RAP1A: variants seen among roughly 807,000 people sequenced by gnomAD.
RAP1A encodes the protein RAP1A, member of RAS oncogene family, also known as ras-related protein Rap-1A.
Under a neutral mutation model 26.4 loss-of-function variants are expected in RAP1A, and 6 were observed. That is an observed-to-expected ratio of 0.23 (90% CI 0.12 to 0.45). RAP1A has a LOEUF of 0.45. Ranked by LOEUF, RAP1A falls within the 20% of genes least tolerant of loss-of-function variation. The probability of loss-of-function intolerance (pLI) is 0.99; values close to 1 mark genes in which losing one functional copy is unlikely to be tolerated. For synonymous variants in RAP1A, 73 were observed against 79.4 expected (o/e 0.92, Z 0.43); for missense variants, 121 against 217.2 (o/e 0.56, Z 2.78).
At chr1:111,618,393 A>C (rs528093686), upstream of RAP1A, among the ~76,000 whole-genome samples, 6 of 152,262 alleles carry the variant, frequency 3.9e-5, no homozygotes, top group South Asian at 4.2e-4. Context: ...TTGTTTTCCA[A>C]CGCTTCACCT....
intron 1 of RAP1A, among the ~76,000 whole-genome samples, chr1:111,596,151 A>C (rs1233041547): frequency 6.6e-6 from 1 of 152,238 alleles, no homozygotes; most frequent in Non-Finnish European, 1.5e-5. Context: ...TATTGATTAA[A>C]GGCAGGGCTT....
At chr1:111,689,257 T>C (rs80252799) in intron 1 of RAP1A, among the ~76,000 whole-genome samples, 1 of 149,670 alleles carries the variant, frequency 6.7e-6, no homozygotes, top group Admixed American at 6.7e-5. Flanking sequence ...AGTTCTAGTC[T>C]TTTTTTTTTC....
At chr1:111,679,733 C>T (rs141270118) in intron 1 of RAP1A, among the ~76,000 whole-genome samples, 2 of 152,222 alleles carry the variant, frequency 1.3e-5, no homozygotes, top group Non-Finnish European at 2.9e-5. Context: ...GGGCGTCTGC[C>T]ATTACTGAGG....
At chr1:111,562,970 AGATT>A (rs2101049725) in intron 1 of RAP1A, among the ~76,000 whole-genome samples, 1 of 152,362 alleles carries the variant, frequency 6.6e-6, no homozygotes, top group East Asian at 1.9e-4. Flanking sequence ...AACTTTAGAT[AGATT>A]ATCTTTTGAA....
intron 1 of RAP1A, among the ~76,000 whole-genome samples, chr1:111,657,613 C>T (rs905249766): frequency 6.6e-6 from 1 of 152,098 alleles, no homozygotes; most frequent in African/African-American, 2.4e-5. Flanking sequence ...AGTCTTTGAT[C>T]CATTTTGAGT....
intron 1 of RAP1A, among the ~76,000 whole-genome samples, chr1:111,633,419 T>C (rs1053117633): frequency 6.6e-6 from 1 of 152,240 alleles, no homozygotes; most frequent in Non-Finnish European, 1.5e-5. Context: ...AGTGTGATTA[T>C]TTAAGGATAT....
At chr1:111,589,827 C>G (rs968074972) in intron 1 of RAP1A, among the ~76,000 whole-genome samples, 2 of 152,134 alleles carry the variant, frequency 1.3e-5, no homozygotes, top group Non-Finnish European at 1.5e-5. Context: ...TAGAAGTTCA[C>G]TTGAACTAGA....
chr1:111,714,047 C>G lies in RAP1A; in HGVS notation c.*1646C>G, dbSNP rs930389827. ...AGGCATGTGGTCAGCCTGTCACTTA[C>G]TAAACTGAAATTTTAAAATCAGGTT... On this transcript the variant is annotated 3_prime_UTR_variant, in exon 8 of 8. Coordinates refer to ENST00000369709, the MANE Select transcript of RAP1A (RefSeq NM_002884.4). 6.6e-6 allele frequency: 1 copy of G among 152,182 alleles called. No homozygotes were observed. The highest frequency in any genetic ancestry group is 2.1e-4 in the South Asian group (1 of 4,832). 9.4% of individuals were successfully genotyped at this position (152,182 alleles called of 1,614,324 possible).
At chr1:111,549,736 A>G (rs953225014) in intron 1 of RAP1A, among the ~76,000 whole-genome samples, 3 of 151,968 alleles carry the variant, frequency 2.0e-5, no homozygotes, top group African/African-American at 7.2e-5. Context: ...GAAGCCTCAA[A>G]CTTCTGGACT....
chr1:111,623,360 T>TA (rs1453067353), intron 1 of RAP1A, among the ~76,000 whole-genome samples: 1 of 151,996 alleles, frequency 6.6e-6, no homozygotes, highest in Non-Finnish European at 1.5e-5. Flanking sequence ...GTAATTTGTT[T>TA]AATTTCTGTT....
chr1:111,588,570 C>A (rs1433173262), intron 1 of RAP1A, among the ~76,000 whole-genome samples: 1 of 152,174 alleles, frequency 6.6e-6, no homozygotes, highest in Admixed American at 6.5e-5. Flanking sequence ...TTCCTGTTTT[C>A]TGATCACACT....
At chr1:111,695,262 C>T (rs900702942) in intron 2 of RAP1A, 79 bp from the exon 3 acceptor site, 1 of 1,020,210 alleles carries the variant, frequency 9.8e-7, no homozygotes, top group Non-Finnish European at 1.4e-6. Flanking sequence ...TTCAATTAAT[C>T]ATTATAATTT....
chr1:111,619,693 G>T, upstream of RAP1A: 1 of 392,374 alleles, frequency 2.5e-6, no homozygotes. Flanking sequence ...GGGGAAGGCG[G>T]GGCCGAAGCC....
intron 1 of RAP1A, among the ~76,000 whole-genome samples, chr1:111,657,160 A>G (rs929985796): frequency 3.3e-5 from 5 of 152,206 alleles, no homozygotes; most frequent in African/African-American, 1.2e-4. Flanking sequence ...TCCAAAATCC[A>G]TATCCATAAT....
At chr1:111,589,366 G>A (rs1658431175) in intron 1 of RAP1A, among the ~76,000 whole-genome samples, 1 of 152,160 alleles carries the variant, frequency 6.6e-6, no homozygotes, top group African/African-American at 2.4e-5. Context: ...GATTATTTGA[G>A]CCCAGGAATT....
intron 7 of RAP1A, among the ~76,000 whole-genome samples, chr1:111,710,327 T>C (rs1662338335): frequency 6.6e-6 from 1 of 152,228 alleles, no homozygotes; most frequent in Non-Finnish European, 1.5e-5. Context: ...GAAAGAAATT[T>C]ATGACAGCAT....
In RAP1A at chr1:111,612,780, A is replaced by C. The variant is rs28570314; in HGVS notation, c.-28+70271A>C. On this transcript the variant is annotated intron_variant, in intron 1 of 7. Transcript: ENST00000356415. ...TTACCTCTATAGTCAAGATCTTTTA[A>C]ATATTTCAAACAGCCTGAATTTCTA... 9.4e-3 allele frequency among the ~76,000 whole-genome samples: 1,439 copies of C among 152,334 alleles called. 23 individuals are homozygous for C. Among genetic ancestry groups the C allele is most frequent in the African/African-American group, 0.032 (1,347 of 41,562 alleles).
chr1:111,681,042 T>G (rs1428816675), intron 1 of RAP1A, among the ~76,000 whole-genome samples: 1 of 152,110 alleles, frequency 6.6e-6, no homozygotes, highest in Non-Finnish European at 1.5e-5. Flanking sequence ...GTCAGGAGTT[T>G]GAGACCAGCC....
At chr1:111,607,869 AC>A (rs549767191) in intron 1 of RAP1A, among the ~76,000 whole-genome samples, 39 of 50,762 alleles carry the variant, frequency 7.7e-4, no homozygotes, top group East Asian at 2.2e-3. Flanking sequence ...GCGGGGCCTG[AC>A]CCCCCCCACC....
Sources: gnomAD v4.1 joint callset for allele counts (sites outside exome capture counted in the v4.1 genomes callset) on GRCh38, gnomAD v4.1.1 for gene constraint, MANE v1.5 for transcripts, NCBI Gene and HGNC (gene_info 2026-07-23, HGNC 2026-07-21) for gene names.